The following NTN5 variants were observed in gnomAD, a reference collection of about 807,000 sequenced individuals.
NTN5 encodes netrin 5, also known as netrin-5.
A neutral mutation model predicts 38.7 loss-of-function variants in NTN5; 42 were observed. The observed-to-expected ratio is 1.08, with a 90% CI of 0.85 to 1.40. The LOEUF (loss-of-function observed/expected upper bound fraction) is 1.40, where lower values mean the gene tolerates loss of function less well. Among genes scored for constraint, NTN5 ranks in the 40% most tolerant of loss-of-function variants. NTN5 has a pLI of 0.00. For synonymous variants in NTN5, 329 were observed against 303.9 expected, an observed-to-expected ratio of 1.08 and a Z score of -0.86; for missense variants, 658 against 716.5, an observed-to-expected ratio of 0.92 and a Z score of 0.93.
At chr19:48,669,963 T>TCATCAC (rs1568452805) in intron 2 of NTN5, among the ~76,000 whole-genome samples, 12 of 11,366 alleles carry the variant, frequency 1.1e-3, no homozygotes, top group South Asian at 7.1e-3. Context: ...ACCATCACCA[T>TCATCAC]CACCACCATC....
Position 48,664,465 on chromosome 19 carries a change from C to T in NTN5, c.820+114G>A, listed in dbSNP as rs1242733654. ...TCCCTCAGGCCCAGAGTCCAGGCCC[C>T]CAGCCCCTCCTCCCTCAGATCCAGG... On this transcript the variant is annotated intron_variant, in intron 3 of 6. Coordinates refer to ENST00000270235, the MANE Select transcript of NTN5 (RefSeq NM_145807.4). 12 of 1,331,776 alleles carry T rather than the reference C, an allele frequency of 9.0e-6. No homozygotes were observed. In the Admixed American group the frequency reaches 1.4e-4, roughly 15 times the overall value. 82.5% of individuals were successfully genotyped at this position (1,331,776 alleles called of 1,614,324 possible). A position where few individuals can be genotyped will look rare whatever the true frequency, so the allele number is the denominator to read the frequency against.
At chr19:48,672,386 G>A (rs1457822006) in intron 1 of NTN5, among the ~76,000 whole-genome samples, 2 of 152,156 alleles carry the variant, frequency 1.3e-5, no homozygotes, top group Admixed American at 6.5e-5. Context: ...CTGAATCTGC[G>A]CCCAGGAATG....
Position 48,662,045 on chromosome 19 carries a change from T to C in NTN5, c.1106-4A>G. The C allele has an allele frequency of 6.8e-7, 1 of 1,462,076 alleles. No homozygotes were observed. Among genetic ancestry groups the C allele is most frequent in the African/African-American group, 1.5e-5 (1 of 67,146 alleles). The allele number at this position is 1,462,076 out of a possible 1,614,324, so 90.6% of individuals were successfully genotyped here. ...GCTAGCACCTGCGCGCGGAGAACTG[T>C]GGGGAGGGGAGATGTCAGCCCAGGT... On this transcript the variant is annotated splice_polypyrimidine_tract_variant and splice_region_variant and intron_variant, in intron 6 of 6. Transcript: ENST00000270235.
At chr19:48,669,134 C>T (rs1448696300) in intron 2 of NTN5, among the ~76,000 whole-genome samples, 3 of 102,302 alleles carry the variant, frequency 2.9e-5, no homozygotes, top group Non-Finnish European at 4.2e-5. Flanking sequence ...CCACCATCAT[C>T]ATATCACCAT....
intron 2 of NTN5, among the ~76,000 whole-genome samples, chr19:48,669,279 C>T (rs1351243606): frequency 1.1e-4 from 2 of 18,722 alleles, no homozygotes; most frequent in Admixed American, 4.0e-4. Flanking sequence ...ATCACCACCA[C>T]CACCATCACC....
At chr19:48,672,517 G>T (rs1355971751) in intron 1 of NTN5, among the ~76,000 whole-genome samples, 2 of 152,172 alleles carry the variant, frequency 1.3e-5, no homozygotes, top group Non-Finnish European at 2.9e-5. Context: ...GCCTCCCCTG[G>T]CCCAGATGAC....
intron 1 of NTN5, 114 bp downstream of exon 1, chr19:48,672,818 T>TCATA: frequency 5.8e-6 from 1 of 172,038 alleles, no homozygotes; most frequent in Admixed American, 6.1e-5. Flanking sequence ...CCCAGCAGAC[T>TCATA]CATAGGAGGC....
chr19:48,663,543 T>C lies in NTN5; in HGVS notation c.1025A>G (p.Asp342Gly). 4 of 1,614,112 alleles carry C rather than the reference T, an allele frequency of 2.5e-6. No individual in the cohort carries two copies. The highest frequency in any genetic ancestry group is 3.4e-6 in the Non-Finnish European group (4 of 1,179,978). Residue 342 changes from aspartate to glycine, a missense_variant and splice_region_variant, in exon 6 of 7, where the codon GAC becomes GGC. Physicochemically the swap from Asp to Gly is moderately conservative, Grantham distance 94. Coordinates refer to ENST00000270235, the MANE Select transcript of NTN5 (RefSeq NM_145807.4). Reference sequence around the variant, plus strand: ...ATTGCAGTAGTTTTGACACTGAGGGTCTGGGGAGGGTCAGGCTGTCTGCAG... The same window carrying C: ...ATTGCAGTAGTTTTGACACTGAGGGCCTGGGGAGGGTCAGGCTGTCTGCAG... ...LATTPGAYSS[D>G]PQCQNYCNMS...
At chr19:48,665,548 C>A (rs1319076873) in intron 2 of NTN5, among the ~76,000 whole-genome samples, 1 of 151,548 alleles carries the variant, frequency 6.6e-6, no homozygotes, top group African/African-American at 2.4e-5. Flanking sequence ...CATCCAGGCA[C>A]GATGGCTCGT....
intron 2 of NTN5, among the ~76,000 whole-genome samples, chr19:48,668,313 G>T (rs1253454341): frequency 6.6e-6 from 1 of 152,164 alleles, no homozygotes; most frequent in South Asian, 2.1e-4. Flanking sequence ...TCAGGAAGCC[G>T]TTCCTTTGTG....
chr19:48,665,694 C>G (rs2031685515), intron 2 of NTN5, among the ~76,000 whole-genome samples: 1 of 151,752 alleles, frequency 6.6e-6, no homozygotes, highest in African/African-American at 2.4e-5. Flanking sequence ...TGGCACGCGC[C>G]TGTAATCCCA....
At position 48,661,565 on chromosome 19, in the gene NTN5, G is replaced by C. The variant is rs1341245251; in HGVS notation, c.*112C>G. 4.0e-6 allele frequency: 5 copies of C among 1,251,440 alleles called. No individual in the cohort carries two copies. Among genetic ancestry groups the C allele is most frequent in the Admixed American group, 3.7e-5 (1 of 27,320 alleles). The allele number at this position is 1,251,440 out of a possible 1,614,324, so 77.5% of individuals were successfully genotyped here. A position where few individuals can be genotyped will look rare whatever the true frequency, so the allele number is the denominator to read the frequency against. ...CGTGGGCGCAAGCATAGTGTCGTCGGGGCTCTGCGACGTCTGATTGGCTCT... is the reference window on the plus strand; with the variant it reads ...CGTGGGCGCAAGCATAGTGTCGTCGCGGCTCTGCGACGTCTGATTGGCTCT... On this transcript the variant is annotated 3_prime_UTR_variant, in exon 7 of 7. Transcript: ENST00000270235.
intron 1 of NTN5, among the ~76,000 whole-genome samples, chr19:48,671,464 G>A (rs1019549227): frequency 1.1e-4 from 17 of 152,026 alleles, no homozygotes; most frequent in Non-Finnish European, 2.2e-4. Context: ...TAGGGGAGGC[G>A]CTCGGCACAG....
chr19:48,664,929 T>C (rs2031659309), intron 2 of NTN5, among the ~76,000 whole-genome samples, 162 bp from the exon 3 acceptor site: 1 of 151,936 alleles, frequency 6.6e-6, no homozygotes, highest in South Asian at 2.1e-4. Flanking sequence ...TCTTTTTTTT[T>C]TGAGACGGAG....
Position 48,670,307 on chromosome 19 carries a change from C to T in NTN5, c.631+49G>A. The T allele has an allele frequency of 2.2e-6, 3 of 1,380,212 alleles. No homozygotes were observed. The South Asian group carries it at 5.2e-5, about 24-fold the overall frequency. The allele number at this position is 1,380,212 out of a possible 1,614,324, so 85.5% of individuals were successfully genotyped here. ...TCCTGCTCCCGTAGGGACAAAGGAC[C>T]CAGTGGCAGGCAGGCAAAGGCAGGG... is the stretch of plus-strand genomic sequence containing the variant. On this transcript the variant is annotated intron_variant, in intron 2 of 6. Transcript: ENST00000270235.
intron 5 of NTN5, 63 bp from the exon 6 acceptor site, chr19:48,663,606 G>GCCCATC (rs1286702960): frequency 1.3e-6 from 2 of 1,561,908 alleles, no homozygotes; most frequent in East Asian, 4.5e-5. Context: ...TTCTGCCCCT[G>GCCCATC]CCCATCCCTC....
At chr19:48,669,276 C>T (rs1040152515) in intron 2 of NTN5, among the ~76,000 whole-genome samples, 2 of 12,722 alleles carry the variant, frequency 1.6e-4, no homozygotes, top group Non-Finnish European at 3.0e-4. Flanking sequence ...ATCATCACCA[C>T]CACCACCATC....
At chr19:48,669,758 CG>C (rs2031873385) in intron 2 of NTN5, among the ~76,000 whole-genome samples, 18 of 97,062 alleles carry the variant, frequency 1.9e-4, no homozygotes, top group African/African-American at 5.3e-4. Context: ...CCATCACCAT[CG>C]TCACCACTAC....
In NTN5 at chr19:48,670,694, G is replaced by C; in HGVS notation, c.293C>G (p.Ser98Ter). The change falls in exon 2 of 7, where the codon TCA becomes TGA. Residue 98 changes from serine (S) to a stop codon, truncating the protein, a stop_gained. Coordinates refer to ENST00000270235, the MANE Select transcript of NTN5 (RefSeq NM_145807.4). LOFTEE classifies it high-confidence loss of function. The part of the protein sequence containing the change: ...PALILSAAWA[S>*]GGPWRLLWHR... ...CCACAGCAGCCTCCAGGGACCCCCTGAGGCCCAGGCAGCAGACAGGATGAG... is the reference window on the plus strand; with the variant it reads ...CCACAGCAGCCTCCAGGGACCCCCTCAGGCCCAGGCAGCAGACAGGATGAG... The C allele has an allele frequency of 6.2e-7, 1 of 1,611,256 alleles. No individual in the cohort carries two copies. The highest frequency in any genetic ancestry group is 8.5e-7 in the Non-Finnish European group (1 of 1,179,226).
Sources: allele counts gnomAD v4.1 joint callset (sites outside exome capture counted in the v4.1 genomes callset), GRCh38; gene constraint gnomAD v4.1.1; transcripts MANE v1.5; gene names NCBI Gene and HGNC (gene_info 2026-07-23, HGNC 2026-07-21).